RBFOX1: variants seen among roughly 807,000 people sequenced by gnomAD.
RBFOX1 encodes RNA binding fox-1 homolog 1, also known as RNA binding protein fox-1 homolog 1.
Under a neutral mutation model 57.7 loss-of-function variants are expected in RBFOX1, and 8 were observed. The ratio of observed to expected loss-of-function variants is 0.14; its 90% CI spans 0.08 to 0.25. The LOEUF (loss-of-function observed/expected upper bound fraction) is 0.25. Ranked by LOEUF, RBFOX1 falls within the 10% of genes least tolerant of loss-of-function variation. The probability of loss-of-function intolerance (pLI) is 1.00; values close to 1 mark genes in which losing one functional copy is unlikely to be tolerated. For missense variants in RBFOX1, 611 were observed against 548.5 expected, an observed-to-expected ratio of 1.11 and a Z score of -1.14; for synonymous variants, 326 against 222.4, an observed-to-expected ratio of 1.47 and a Z score of -4.15.
At chr16:6,443,601 C>T (rs1333284596) in intron 2 of RBFOX1, among the ~76,000 whole-genome samples, 8 of 152,202 alleles carry the variant, frequency 5.3e-5, no homozygotes, top group Non-Finnish European at 7.3e-5. Flanking sequence ...GATGTCCTCA[C>T]AAGCTCATTG....
intron 4 of RBFOX1, among the ~76,000 whole-genome samples, chr16:7,285,752 A>C (rs1468684555): frequency 6.6e-6 from 1 of 152,150 alleles, no homozygotes; most frequent in Non-Finnish European, 1.5e-5. Context: ...CATGGTATGG[A>C]TGTACCACAG....
At chr16:6,297,903 A>G (rs2078319966) in intron 1 of RBFOX1, among the ~76,000 whole-genome samples, 1 of 152,172 alleles carries the variant, frequency 6.6e-6, no homozygotes, top group South Asian at 2.1e-4. Flanking sequence ...CTCCCCATCT[A>G]TCCAGATGAG....
intron 1 of RBFOX1, among the ~76,000 whole-genome samples, chr16:6,283,700 A>T (rs2076622836): frequency 6.6e-6 from 1 of 152,138 alleles, no homozygotes; most frequent in Non-Finnish European, 1.5e-5. Flanking sequence ...GCACCCAGAG[A>T]TCCTTCCAGA....
chr16:5,312,219 G>C (rs1022393217), intron 1 of RBFOX1, among the ~76,000 whole-genome samples: 1 of 152,216 alleles, frequency 6.6e-6, no homozygotes, highest in Admixed American at 6.5e-5. Flanking sequence ...GGGTGAAAGA[G>C]GGTCTCTGAA....
At chr16:7,400,553 C>G (rs182162400) in intron 4 of RBFOX1, among the ~76,000 whole-genome samples, 1 of 152,266 alleles carries the variant, frequency 6.6e-6, no homozygotes, top group East Asian at 1.9e-4. Flanking sequence ...CCGGATTCTT[C>G]AAGAACACAG....
chr16:5,989,306 G>C (rs1027960710), intron 4 of RBFOX1, among the ~76,000 whole-genome samples: 5 of 152,038 alleles, frequency 3.3e-5, no homozygotes, highest in African/African-American at 9.7e-5. Flanking sequence ...ACTGCAGCCT[G>C]GGTGACAGAG....
At chr16:6,459,083 C>G (rs1239038318) in intron 2 of RBFOX1, among the ~76,000 whole-genome samples, 2 of 152,230 alleles carry the variant, frequency 1.3e-5, no homozygotes, top group African/African-American at 4.8e-5. Flanking sequence ...CGCCTGTAAT[C>G]CCAGCACTTT....
chr16:6,268,298 C>T (rs1338818293), intron 1 of RBFOX1, among the ~76,000 whole-genome samples: 6 of 152,184 alleles, frequency 3.9e-5, no homozygotes, highest in Admixed American at 3.3e-4. Flanking sequence ...TGGAGCAGGT[C>T]GAATGGAGGA....
At chr16:5,417,488 G>T (rs2067192003) in intron 1 of RBFOX1, among the ~76,000 whole-genome samples, 1 of 152,118 alleles carries the variant, frequency 6.6e-6, no homozygotes, top group East Asian at 1.9e-4. Flanking sequence ...AGGTGGTGTA[G>T]ATAAGGTGCC....
intron 4 of RBFOX1, among the ~76,000 whole-genome samples, chr16:7,228,531 T>C (rs2093293830): frequency 6.6e-6 from 1 of 152,194 alleles, no homozygotes; most frequent in African/African-American, 2.4e-5. Flanking sequence ...AATGAAATTT[T>C]ACAGATTGGG....
chr16:6,094,615 A>G (rs1447334948), intron 1 of RBFOX1, among the ~76,000 whole-genome samples: 1 of 152,206 alleles, frequency 6.6e-6, no homozygotes, highest in Non-Finnish European at 1.5e-5. Context: ...TCTGGAATTC[A>G]GCTCCTTCTA....
intron 1 of RBFOX1, among the ~76,000 whole-genome samples, chr16:6,313,566 G>A (rs763302572): frequency 2.6e-5 from 4 of 152,114 alleles, no homozygotes; most frequent in Non-Finnish European, 4.4e-5. Flanking sequence ...GGAAGTAATC[G>A]GTTTGCTATT....
intron 4 of RBFOX1, among the ~76,000 whole-genome samples, chr16:7,497,341 G>A (rs964162586): frequency 6.6e-6 from 1 of 151,990 alleles, no homozygotes; most frequent in Non-Finnish European, 1.5e-5. Flanking sequence ...CCTTGAATTT[G>A]CACCTAACTC....
intron 10 of RBFOX1, among the ~76,000 whole-genome samples, chr16:7,620,904 C>A (rs1337573755): frequency 2.6e-5 from 4 of 152,050 alleles, no homozygotes; most frequent in Admixed American, 2.6e-4. Flanking sequence ...TTGTATAGCA[C>A]CTGAAACCTA....
At chr16:6,977,202 TTTATCATATATA>T (rs144613832) in intron 3 of RBFOX1, among the ~76,000 whole-genome samples, 15,375 of 147,112 alleles carry the variant, frequency 0.1, 1,024 homozygotes, top group East Asian at 0.26. Flanking sequence ...ATATATATGT[TTTATCATATATA>T]TTATCATATA....
intron 4 of RBFOX1, among the ~76,000 whole-genome samples, chr16:7,272,533 C>A (rs149167353): frequency 2.6e-5 from 4 of 152,178 alleles, no homozygotes; most frequent in African/African-American, 9.7e-5. Context: ...CTGCATCATT[C>A]ATTCATTCAT....
chr16:5,421,227 C>A lies in RBFOX1; in HGVS notation c.220-45989C>A, dbSNP rs371354642. ...TTCACCATGTTGACCAGGGTGGTCTCGAAATCCTGACCTCAAGTGATCCCC... is the reference window on the plus strand; with the variant it reads ...TTCACCATGTTGACCAGGGTGGTCTAGAAATCCTGACCTCAAGTGATCCCC... On this transcript the variant is annotated intron_variant, in intron 1 of 2. Transcript: ENST00000585867. Among the ~76,000 whole-genome samples, 11 of 151,852 alleles carry A rather than the reference C, an allele frequency of 7.2e-5. No homozygotes were observed. The South Asian group carries it at 2.3e-3, about 32-fold the overall frequency.
intron 3 of RBFOX1, among the ~76,000 whole-genome samples, chr16:6,863,700 C>G (rs1198440321): frequency 8.0e-6 from 1 of 124,308 alleles, no homozygotes; most frequent in Non-Finnish European, 1.6e-5. Context: ...AAGAAATGAC[C>G]GGAAGCACAA....
chr16:5,536,968 C>T (rs1412513524), intron 2 of RBFOX1, among the ~76,000 whole-genome samples: 3 of 152,190 alleles, frequency 2.0e-5, no homozygotes, highest in Non-Finnish European at 4.4e-5. Flanking sequence ...CTGCAGAACA[C>T]ACTCTGCTAA....
Sources: allele counts gnomAD v4.1 joint callset (sites outside exome capture counted in the v4.1 genomes callset), GRCh38; gene constraint gnomAD v4.1.1; transcripts MANE v1.5; gene names NCBI Gene and HGNC (gene_info 2026-07-23, HGNC 2026-07-21).